Variants in ELFN1 observed in about 807,000 individuals in gnomAD.
ELFN1 encodes extracellular leucine rich repeat and fibronectin type III domain containing 1, also known as protein ELFN1.
In ELFN1, 6 loss-of-function variants were observed where a neutral mutation model predicts 7.6. The ratio of observed to expected loss-of-function variants is 0.79; its 90% CI spans 0.43 to 1.56. The LOEUF is 1.56. Ranked by LOEUF, ELFN1 falls within the 40% of genes most tolerant of loss-of-function variation. ELFN1 has a pLI of 0.01. For missense variants in ELFN1, 1,169 were observed against 1,232.2 expected (o/e 0.95, Z 0.77); for synonymous variants, 657 against 588.1 (o/e 1.12, Z -1.70).
Position 1,745,747 on chromosome 7 carries a change from C to T in ELFN1, c.1151C>T (p.Thr384Ile), listed in dbSNP as rs1364951953. The change falls in exon 4 of 4, where the codon ACC becomes ATC. Residue 384 changes from threonine (T) to isoleucine (I), a missense_variant. Thr to Ile is a moderately conservative substitution (Grantham distance 89, BLOSUM62 -1). Transcript: ENST00000424383. ...AACTACACCTACTGCGTGGTGTCCA[C>T]CAGCGCCGGGCTGCGCCACAACCAC... Reference protein sequence around the residue: ...LTNYTYCVVSTSAGLRHNHTC... With the variant: ...LTNYTYCVVSISAGLRHNHTC... 6 of 1,551,500 alleles carry T rather than the reference C, an allele frequency of 3.9e-6. No homozygotes were observed. Among genetic ancestry groups the T allele is most frequent in the Admixed American group, 2.0e-5 (1 of 51,036 alleles).
intron 3 of ELFN1, among the ~76,000 whole-genome samples, chr7:1,712,504 T>G (rs960548493): frequency 1.3e-5 from 2 of 151,944 alleles, no homozygotes; most frequent in African/African-American, 4.8e-5. Flanking sequence ...CAATCTCGGC[T>G]CACTGCAACC....
intron 3 of ELFN1, among the ~76,000 whole-genome samples, chr7:1,727,782 A>AC (rs1253615787): frequency 6.6e-6 from 1 of 151,828 alleles, no homozygotes; most frequent in Non-Finnish European, 1.5e-5. Flanking sequence ...CTGATTTCTT[A>AC]TTTTTTGCAT....
Position 1,739,428 on chromosome 7 carries a change from C to G in ELFN1, c.-293-4876C>G, listed in dbSNP as rs2128602662. ...TGTAGGAATGTGGCGGATGGTGAGGCAGGGAGATGCCAGCGGGGACGGGAA... is the reference window on the plus strand; with the variant it reads ...TGTAGGAATGTGGCGGATGGTGAGGGAGGGAGATGCCAGCGGGGACGGGAA... On this transcript the variant is annotated intron_variant, in intron 3 of 3. Transcript: ENST00000424383. The surrounding 1 kb of genome is among the most constrained non-coding windows in gnomAD (Gnocchi z 4.6). 6.5e-6 allele frequency: 1 copy of G among 152,788 alleles called. No individual in the cohort carries two copies. The highest frequency in any genetic ancestry group is 2.1e-4 in the South Asian group (1 of 4,860). 9.5% of individuals were successfully genotyped at this position (152,788 alleles called of 1,614,324 possible). A position where few individuals can be genotyped will look rare whatever the true frequency, so the allele number is the denominator to read the frequency against.
At chr7:1,684,191 A>G (rs1779021616) in intron 1 of ELFN1, among the ~76,000 whole-genome samples, 1 of 152,148 alleles carries the variant, frequency 6.6e-6, no homozygotes, top group African/African-American at 2.4e-5. Flanking sequence ...GTTATGGCTA[A>G]TATTTGCATG....
chr7:1,686,236 C>T (rs187148648), intron 1 of ELFN1, among the ~76,000 whole-genome samples: 1 of 151,044 alleles, frequency 6.6e-6, no homozygotes. Context: ...TAGTAATTGA[C>T]CTGGACTGAA....
chr7:1,667,603 G>C (rs1434064024), upstream of ELFN1, among the ~76,000 whole-genome samples: 1 of 152,148 alleles, frequency 6.6e-6, no homozygotes, highest in Non-Finnish European at 1.5e-5. The surrounding 1 kb of genome is among the most constrained non-coding windows in gnomAD (Gnocchi z 8.2). Context: ...TGGGGGACGG[G>C]GAATACGGAG....
chr7:1,696,947 G>C (rs1294049148), intron 2 of ELFN1, among the ~76,000 whole-genome samples: 1 of 152,316 alleles, frequency 6.6e-6, no homozygotes, highest in Middle Eastern at 3.4e-3. Flanking sequence ...AAATGACCAC[G>C]AGCAATGCAC....
chr7:1,710,063 A>G (rs1457724675), intron 3 of ELFN1, among the ~76,000 whole-genome samples: 1 of 152,232 alleles, frequency 6.6e-6, no homozygotes, highest in African/African-American at 2.4e-5. Context: ...ACTTGACCAG[A>G]AGGAGGCGCT....
chr7:1,708,929 C>G (rs147374875), intron 2 of ELFN1, among the ~76,000 whole-genome samples, 162 bp from the exon 3 acceptor site: 83 of 152,264 alleles, frequency 5.5e-4, no homozygotes, highest in African/African-American at 1.9e-3. Context: ...TCAGGAAGTC[C>G]CCAGCCTCTC....
chr7:1,711,987 C>T (rs1209145353), intron 3 of ELFN1, among the ~76,000 whole-genome samples: 4 of 152,188 alleles, frequency 2.6e-5, no homozygotes, highest in Non-Finnish European at 4.4e-5. Context: ...ACAGTTAGGG[C>T]GAGGACAGCA....
In ELFN1 at chr7:1,697,807, C is replaced by T. The variant is rs1186473721; in HGVS notation, c.-456+9657C>T. On this transcript the variant is annotated intron_variant, in intron 2 of 3. Transcript: ENST00000424383. Reference sequence around the variant, plus strand: ...GTTTAATCGTAATTTATTTGAGAGACAGGGTCTCTCTCTTTCGCCCAGGCT... The same window carrying T: ...GTTTAATCGTAATTTATTTGAGAGATAGGGTCTCTCTCTTTCGCCCAGGCT... 2.0e-5 allele frequency among the ~76,000 whole-genome samples: 3 copies of T among 152,272 alleles called. No individual in the cohort carries two copies. In the East Asian group the frequency reaches 5.8e-4, roughly 29 times the overall value.
At chr7:1,728,751 C>G (rs2128597410) in intron 3 of ELFN1, among the ~76,000 whole-genome samples, 1 of 152,252 alleles carries the variant, frequency 6.6e-6, no homozygotes, top group Non-Finnish European at 1.5e-5. Flanking sequence ...TGGGAAAGAC[C>G]CAGAGTTTTG....
rs1409151475 is a variant in ELFN1, at chr7:1,695,143, TG to T, written c.-456+6994del. Among the ~76,000 whole-genome samples, 2 of 152,208 alleles carry T rather than the reference TG, an allele frequency of 1.3e-5. No individual in the cohort carries two copies. Among genetic ancestry groups the T allele is most frequent in the Non-Finnish European group, 2.9e-5 (2 of 68,028 alleles). On this transcript the variant is annotated intron_variant, in intron 2 of 3. Coordinates refer to ENST00000424383, the MANE Select transcript of ELFN1 (RefSeq NM_001128636.4). This position sits in a 1 kb window ranked among gnomAD's most constrained non-coding sequence, Gnocchi z 5.1. ...GACAGGCACATGGTGGGACCTGCTC[TG>T]TGGCTCCAGAGCTCATGCGCAGCCC...
At chr7:1,702,157 G>A (rs1262821056) in intron 2 of ELFN1, among the ~76,000 whole-genome samples, 1 of 152,140 alleles carries the variant, frequency 6.6e-6, no homozygotes, top group Non-Finnish European at 1.5e-5. Flanking sequence ...GGGTGCAGTG[G>A]CTCACGCTTG....
chr7:1,729,876 A>T (rs1345950466), intron 3 of ELFN1, among the ~76,000 whole-genome samples: 1 of 152,186 alleles, frequency 6.6e-6, no homozygotes, highest in South Asian at 2.1e-4. Context: ...TCCCCTCTCA[A>T]ATGCCTACTG....
chr7:1,682,274 T>A (rs565550545), intron 1 of ELFN1, among the ~76,000 whole-genome samples: 6 of 152,348 alleles, frequency 3.9e-5, no homozygotes, highest in Non-Finnish European at 7.3e-5. Context: ...CAATTTTAGC[T>A]AACGTCTGTA....
Position 1,746,653 on chromosome 7 carries a change from C to A in ELFN1, c.2057C>A (p.Ala686Glu). The change falls in exon 4 of 4, where the codon GCG (alanine) becomes GAG (glutamate). Residue 686 changes from alanine (A) to glutamate (E), a missense_variant. By Grantham distance (107) the Ala-to-Glu change is moderately radical. This residue lies in a region of ELFN1 where 914 missense variants were observed against 872.6 expected (regional missense o/e 1.05). Coordinates refer to ENST00000424383, the MANE Select transcript of ELFN1 (RefSeq NM_001128636.4). Reference sequence around the variant, plus strand: ...GACGCCATCCTCACTGTGACACCCGCGGCCGCCGTGCTGCGGGCCGAGGCC... The same window carrying A: ...GACGCCATCCTCACTGTGACACCCGAGGCCGCCGTGCTGCGGGCCGAGGCC... ...AADAILTVTPAAAVLRAEAEK... is the reference protein window; with the variant it reads ...AADAILTVTPEAAVLRAEAEK... 7.3e-7 allele frequency: 1 copy of A among 1,361,864 alleles called. No homozygotes were observed. Among genetic ancestry groups the A allele is most frequent in the Non-Finnish European group, 9.4e-7 (1 of 1,063,198 alleles). 84.4% of individuals were successfully genotyped at this position (1,361,864 alleles called of 1,614,324 possible). A position where few individuals can be genotyped will look rare whatever the true frequency, so the allele number is the denominator to read the frequency against.
intron 2 of ELFN1, among the ~76,000 whole-genome samples, chr7:1,690,423 G>A (rs1779137038): frequency 6.6e-6 from 1 of 151,318 alleles, no homozygotes; most frequent in Non-Finnish European, 1.5e-5. Context: ...ATGGATGGAT[G>A]AATGGGTGAA....
chr7:1,727,523 G>A (rs1032053365), intron 3 of ELFN1, among the ~76,000 whole-genome samples: 2 of 152,116 alleles, frequency 1.3e-5, no homozygotes, highest in African/African-American at 4.8e-5. Flanking sequence ...GTAGCCCCAA[G>A]CTGTCTCCCC....
Sources: gnomAD v4.1 joint callset for allele counts (sites outside exome capture counted in the v4.1 genomes callset) on GRCh38, gnomAD v4.1.1 for gene constraint, gnomAD v4.1.1 regional missense constraint, Gnocchi (gnomAD v3.1) non-coding constraint, MANE v1.5 for transcripts, NCBI Gene and HGNC (gene_info 2026-07-23, HGNC 2026-07-21) for gene names.